DCC: variants seen among roughly 807,000 people sequenced by gnomAD.
DCC encodes the protein netrin receptor DCC.
DCC carries 58 observed loss-of-function variants against 172.5 expected under a neutral mutation model. The observed-to-expected ratio is 0.34, with a 90% CI of 0.27 to 0.42. The LOEUF is 0.42. Ranked by LOEUF, DCC falls within the 10% of genes least tolerant of loss-of-function variation. The pLI is 1.00. For missense variants in DCC, 1,740 were observed against 1,791.0 expected (o/e 0.97, Z 0.51); for synonymous variants, 709 against 644.5 (o/e 1.10, Z -1.52).
chr18:52,759,106 A>T (rs2037119619), intron 2 of DCC: 1 of 152,182 alleles, frequency 6.6e-6, no homozygotes, highest in African/African-American at 2.4e-5. Context: ...TTATATGTTT[A>T]CTAGTCTTAT....
Position 52,878,404 on chromosome 18 carries a change from T to C in DCC, c.413-27640T>C, listed in dbSNP as rs1368027954. On this transcript the variant is annotated intron_variant, in intron 2 of 28. Coordinates refer to ENST00000442544, the MANE Select transcript of DCC (RefSeq NM_005215.4). ...TAACAAGTTATCTCCCATACTAACC[T>C]TGAAAGACTTTAGAGTAGGTTTTGG... Among the ~76,000 whole-genome samples, 3 of 151,922 alleles carry C rather than the reference T, an allele frequency of 2.0e-5. No homozygotes were observed. The East Asian group carries it at 5.8e-4, about 29-fold the overall frequency.
At chr18:53,358,644 C>T (rs2057908692) in intron 15 of DCC, among the ~76,000 whole-genome samples, 1 of 150,848 alleles carries the variant, frequency 6.6e-6, no homozygotes, top group Admixed American at 6.6e-5. Flanking sequence ...CCTCAGCCTC[C>T]CAAGTAGCTG....
intron 1 of DCC, among the ~76,000 whole-genome samples, chr18:52,468,474 T>C (rs1342571996): frequency 6.6e-6 from 1 of 152,236 alleles, no homozygotes; most frequent in African/African-American, 2.4e-5. Context: ...ATCAATTTCA[T>C]TGGCCAACCT....
chr18:53,034,700 C>T (rs2042069007), intron 5 of DCC, among the ~76,000 whole-genome samples: 1 of 147,190 alleles, frequency 6.8e-6, no homozygotes, highest in South Asian at 2.2e-4. Flanking sequence ...TCTGCTCCAA[C>T]TTTTTTTTTT....
chr18:53,081,810 T>A (rs1243015052), intron 7 of DCC, among the ~76,000 whole-genome samples: 1 of 152,060 alleles, frequency 6.6e-6, no homozygotes, highest in Non-Finnish European at 1.5e-5. Flanking sequence ...TACTAAGATT[T>A]GTAATTATAA....
chr18:53,223,096 G>A (rs2055968648), intron 12 of DCC, among the ~76,000 whole-genome samples: 1 of 152,042 alleles, frequency 6.6e-6, no homozygotes, highest in African/African-American at 2.4e-5. Context: ...TCTGTTAGAA[G>A]ATTTGAATAA....
chr18:53,456,461 C>T (rs2134297), intron 23 of DCC, among the ~76,000 whole-genome samples: 73,380 of 152,004 alleles, frequency 0.48, 18,757 homozygotes, highest in Non-Finnish European at 0.58. Flanking sequence ...GGAAAAGATA[C>T]ATTTGGTATT....
intron 2 of DCC, among the ~76,000 whole-genome samples, chr18:52,827,406 T>C (rs969778342): frequency 6.6e-6 from 1 of 152,252 alleles, no homozygotes; most frequent in Non-Finnish European, 1.5e-5. Flanking sequence ...CATTAATTTG[T>C]GAATTTGCAT....
intron 5 of DCC, among the ~76,000 whole-genome samples, chr18:52,943,903 C>T (rs561330292): frequency 5.3e-5 from 8 of 152,206 alleles, no homozygotes; most frequent in South Asian, 4.2e-4. Flanking sequence ...GTGCCTGCCA[C>T]GACAACCGGC....
intron 14 of DCC, among the ~76,000 whole-genome samples, chr18:53,326,347 G>A (rs8097821): frequency 0.16 from 24,374 of 152,046 alleles, 2,394 homozygotes; most frequent in African/African-American, 0.27. Context: ...TAAATATGTG[G>A]GATGTGTATG....
chr18:53,406,716 AGAAAG>A lies in DCC; in HGVS notation c.2936-3735_2936-3731del, dbSNP rs1568112071. ...AAGACTCTGTCTCAAAAAAAAAAAA[AGAAAG>A]AAAGAAAAAAGAAAAAAAGTACAGG... On this transcript the variant is annotated intron_variant, in intron 19 of 28. Transcript: ENST00000442544. Among the ~76,000 whole-genome samples the A allele has an allele frequency of 1.0e-3, 121 of 117,294 alleles. 20 individuals are homozygous for A. Among genetic ancestry groups the A allele is most frequent in the Non-Finnish European group, 1.6e-3 (76 of 48,374 alleles). The allele number at this position is 117,294 out of a possible 152,430, so 76.9% of individuals were successfully genotyped here.
intron 1 of DCC, among the ~76,000 whole-genome samples, chr18:52,691,676 A>G (rs2035931766): frequency 6.6e-6 from 1 of 152,124 alleles, no homozygotes; most frequent in Non-Finnish European, 1.5e-5. Flanking sequence ...TTTTAACTTA[A>G]TTACATTTGC....
chr18:52,847,855 T>C (rs1322215523), intron 2 of DCC, among the ~76,000 whole-genome samples: 1 of 152,128 alleles, frequency 6.6e-6, no homozygotes, highest in Non-Finnish European at 1.5e-5. Context: ...TAACTTTGAG[T>C]AGGTCACTTA....
At chr18:52,977,989 GATCAA>G (rs1275205860) in intron 5 of DCC, among the ~76,000 whole-genome samples, 1 of 150,378 alleles carries the variant, frequency 6.6e-6, no homozygotes, top group South Asian at 2.1e-4. Context: ...AAATCACAAA[GATCAA>G]ATCAAATTAA....
At chr18:53,324,348 T>C (rs1306108649) in intron 14 of DCC, among the ~76,000 whole-genome samples, 4 of 152,212 alleles carry the variant, frequency 2.6e-5, no homozygotes, top group African/African-American at 9.7e-5. Context: ...ATTAAAGGTC[T>C]ATATATGCAA....
chr18:52,509,724 T>C (rs2031365456), intron 1 of DCC, among the ~76,000 whole-genome samples: 1 of 152,238 alleles, frequency 6.6e-6, no homozygotes, highest in East Asian at 1.9e-4. Flanking sequence ...TGTGGCCTTA[T>C]GTTTCTCCAA....
At chr18:52,441,810 C>T (rs370666924) in intron 1 of DCC, among the ~76,000 whole-genome samples, 3 of 152,200 alleles carry the variant, frequency 2.0e-5, no homozygotes, top group Non-Finnish European at 4.4e-5. Context: ...ATTATTCTCA[C>T]ACAACAAGAT....
At chr18:53,426,742 T>C (rs1568124005) in intron 21 of DCC, among the ~76,000 whole-genome samples, 1 of 152,122 alleles carries the variant, frequency 6.6e-6, no homozygotes, top group Non-Finnish European at 1.5e-5. Context: ...GCAATAGTCA[T>C]TTTATATTCC....
At chr18:53,056,947 T>A (rs1004032586) in intron 5 of DCC, among the ~76,000 whole-genome samples, 2 of 152,032 alleles carry the variant, frequency 1.3e-5, no homozygotes, top group African/African-American at 4.8e-5. Context: ...CTTTGGAATA[T>A]AGTGTTTTCA....
Sources: allele counts gnomAD v4.1 joint callset (sites outside exome capture counted in the v4.1 genomes callset), GRCh38; gene constraint gnomAD v4.1.1; transcripts MANE v1.5; gene names NCBI Gene and HGNC (gene_info 2026-07-23, HGNC 2026-07-21).